The following TMCO4 variants were observed in gnomAD, a reference collection of about 807,000 sequenced individuals.
TMCO4 encodes the protein transmembrane and coiled-coil domains 4, also known as transmembrane and coiled-coil domain-containing protein 4.
TMCO4 carries 58 observed loss-of-function variants against 64.7 expected under a neutral mutation model. The ratio of observed to expected loss-of-function variants is 0.90; its 90% CI spans 0.73 to 1.12. TMCO4 has a LOEUF of 1.12. Ranked by LOEUF, TMCO4 falls within the 50% of genes most tolerant of loss-of-function variation. The probability of loss-of-function intolerance (pLI) is 0.00; values close to 1 mark genes in which losing one functional copy is unlikely to be tolerated. For missense variants in TMCO4, 780 were observed against 825.9 expected (o/e 0.94, Z 0.68); for synonymous variants, 325 against 346.1 (o/e 0.94, Z 0.68).
chr1:19,788,211 A>G (rs1191036459), intron 2 of TMCO4, among the ~76,000 whole-genome samples: 2 of 152,234 alleles, frequency 1.3e-5, no homozygotes, highest in Non-Finnish European at 2.9e-5. Context: ...TAAAAACTGA[A>G]TATTCACACC....
chr1:19,747,099 A>C lies in TMCO4; in HGVS notation c.613+64T>G, dbSNP rs1214886763. 4 of 1,549,294 alleles carry C rather than the reference A, an allele frequency of 2.6e-6. No individual in the cohort carries two copies. The African/African-American group carries it at 5.4e-5, about 21-fold the overall frequency. ...CCCTGCACTCTCCACTCTCACCCAC[A>C]GCCTGGCATCATTTCTCTGTCTACA... On this transcript the variant is annotated intron_variant, in intron 8 of 15. Coordinates refer to ENST00000294543, the MANE Select transcript of TMCO4 (RefSeq NM_181719.7).
intron 2 of TMCO4, among the ~76,000 whole-genome samples, chr1:19,797,520 C>T (rs946304811): frequency 3.3e-5 from 5 of 152,014 alleles, no homozygotes; most frequent in African/African-American, 1.2e-4. Flanking sequence ...GGCCAGGGGA[C>T]AGTGGTACAT....
chr1:19,699,024 A>ATGTGTT (rs2095254457), intron 14 of TMCO4, among the ~76,000 whole-genome samples: 1 of 152,030 alleles, frequency 6.6e-6, no homozygotes, highest in Non-Finnish European at 1.5e-5. Context: ...GTGAAACCCC[A>ATGTGTT]TCTCTACTAA....
Position 19,771,295 on chromosome 1 carries a change from G to T in TMCO4, c.354+13C>A, listed in dbSNP as rs377279176. 6.2e-7 allele frequency: 1 copy of T among 1,611,720 alleles called. No homozygotes were observed. Among genetic ancestry groups the T allele is most frequent in the Non-Finnish European group, 8.5e-7 (1 of 1,178,342 alleles). ...TACTGTCCCCAGCAGCCACCACCAG[G>T]TGTTGGGTGTACCTGAGTGATCACC... On this transcript the variant is annotated intron_variant, in intron 5 of 15. Coordinates refer to ENST00000294543, the MANE Select transcript of TMCO4 (RefSeq NM_181719.7).
intron 6 of TMCO4, among the ~76,000 whole-genome samples, chr1:19,755,998 G>A (rs2042238198): frequency 6.6e-6 from 1 of 152,136 alleles, no homozygotes; most frequent in South Asian, 2.1e-4. Flanking sequence ...TGTAATCCCA[G>A]CACTTCGGGG....
At chr1:19,779,045 T>C (rs1028176670) in intron 4 of TMCO4, among the ~76,000 whole-genome samples, 2 of 145,722 alleles carry the variant, frequency 1.4e-5, no homozygotes, top group Non-Finnish European at 3.1e-5. Flanking sequence ...TTCAGTCCAG[T>C]GGACAGACAA....
chr1:19,733,851 C>G (rs550979118), intron 13 of TMCO4, among the ~76,000 whole-genome samples: 13 of 152,300 alleles, frequency 8.5e-5, no homozygotes, highest in African/African-American at 2.9e-4. Context: ...ACTGCCTGCT[C>G]TGCCACCTCC....
chr1:19,709,039 G>A (rs144475100), intron 13 of TMCO4, among the ~76,000 whole-genome samples: 323 of 152,196 alleles, frequency 2.1e-3, no homozygotes, highest in African/African-American at 7.5e-3. Context: ...TGATAGACAC[G>A]TAGAGAGAGG....
rs1028015047 is a variant in TMCO4, at chr1:19,707,081, A to T, written c.1265-6196T>A. Among the ~76,000 whole-genome samples the T allele has an allele frequency of 4.6e-5, 7 of 152,202 alleles. 1 individual carries two copies. The highest frequency in any genetic ancestry group is 1.7e-4 in the African/African-American group (7 of 41,442). On this transcript the variant is annotated intron_variant, in intron 13 of 15. Coordinates refer to ENST00000294543, the MANE Select transcript of TMCO4 (RefSeq NM_181719.7). ...CTCTCATGGAGTCAAAGTTAAAGTC[A>T]TTGCAATGGCCTCGAAGCCCTGCCT...
At chr1:19,693,896 G>T (rs1883566) in intron 15 of TMCO4, among the ~76,000 whole-genome samples, 1 of 151,832 alleles carries the variant, frequency 6.6e-6, no homozygotes, top group Non-Finnish European at 1.5e-5. Context: ...AGCCCTGGGT[G>T]GGGGGGACTC....
chr1:19,769,957 C>T (rs1459304098), intron 6 of TMCO4, among the ~76,000 whole-genome samples: 4 of 122,762 alleles, frequency 3.3e-5, no homozygotes, highest in Admixed American at 7.7e-5. Flanking sequence ...AGGGAGCTGC[C>T]GGAGGCCGGC....
intron 10 of TMCO4, among the ~76,000 whole-genome samples, chr1:19,742,701 A>C (rs374405219): frequency 6.6e-6 from 1 of 152,198 alleles, no homozygotes; most frequent in African/African-American, 2.4e-5. Context: ...GCAAGGCACC[A>C]TGCCCTTCTG....
In TMCO4 at chr1:19,795,910, C is replaced by G. The variant is rs371706316; in HGVS notation, c.-101+2227G>C. Among the ~76,000 whole-genome samples the G allele has an allele frequency of 1.2e-3, 185 of 152,332 alleles. 1 individual carries two copies. Among genetic ancestry groups the G allele is most frequent in the African/African-American group, 4.3e-3 (177 of 41,570 alleles). On this transcript the variant is annotated intron_variant, in intron 2 of 15. Transcript: ENST00000294543. ...GCACCTGTGGACGGGCCTAACCTGC[C>G]TTTCCTGCTTTGTTTTCTTTCACTC...
chr1:19,799,047 C>T (rs540634121), intron 1 of TMCO4: 2,193 of 133,032 alleles, frequency 0.016, 64 homozygotes, highest in African/African-American at 0.079. Context: ...GGCCAGGCAG[C>T]CTGGTCAGGG....
At chr1:19,771,008 CCT>C (rs2042955349) in intron 5 of TMCO4, among the ~76,000 whole-genome samples, 1 of 152,196 alleles carries the variant, frequency 6.6e-6, no homozygotes, top group East Asian at 1.9e-4. Context: ...AGTTACTTAA[CCT>C]CTCTGTGTCT....
intron 13 of TMCO4, among the ~76,000 whole-genome samples, chr1:19,728,893 T>C (rs2095419098): frequency 6.6e-6 from 1 of 152,200 alleles, no homozygotes; most frequent in Non-Finnish European, 1.5e-5. Context: ...GTGAGAATGG[T>C]GCCTTGGCTG....
At chr1:19,703,426 C>T (rs2095284854) in intron 13 of TMCO4, among the ~76,000 whole-genome samples, 1 of 151,960 alleles carries the variant, frequency 6.6e-6, no homozygotes, top group Admixed American at 6.6e-5. Flanking sequence ...CTTTCCCTTC[C>T]CTTTTTCTTT....
chr1:19,682,668 C>G lies in TMCO4; in HGVS notation c.*372G>C, dbSNP rs572558889. 32 of 717,570 alleles carry G rather than the reference C, an allele frequency of 4.5e-5. No individual in the cohort carries two copies. The East Asian group carries it at 8.6e-4, about 19-fold the overall frequency. The allele number at this position is 717,570 out of a possible 1,614,324, so 44.5% of individuals were successfully genotyped here. A position where few individuals can be genotyped will look rare whatever the true frequency, so the allele number is the denominator to read the frequency against. ...GGAGAGCTGGTGTGGGAGCCTCAGG[C>G]CCCAGAGAGCCCTCGGGACCTCCTG... On this transcript the variant is annotated 3_prime_UTR_variant, in exon 16 of 16. Transcript: ENST00000294543.
chr1:19,716,186 A>T (rs926040584), intron 13 of TMCO4, among the ~76,000 whole-genome samples: 3 of 130,954 alleles, frequency 2.3e-5, no homozygotes, highest in Non-Finnish European at 1.6e-5. Context: ...TATTATTATT[A>T]ATTTATTTAT....
Sources: gnomAD v4.1 joint callset for allele counts (sites outside exome capture counted in the v4.1 genomes callset) on GRCh38, gnomAD v4.1.1 for gene constraint, MANE v1.5 for transcripts, NCBI Gene and HGNC (gene_info 2026-07-23, HGNC 2026-07-21) for gene names.